Variants in PARP11 observed in about 807,000 individuals in gnomAD.
The protein encoded by PARP11 is poly(ADP-ribose) polymerase family member 11.
PARP11 carries 31 observed loss-of-function variants against 42.9 expected under a neutral mutation model. The ratio of observed to expected loss-of-function variants is 0.72; its 90% CI spans 0.54 to 0.98. The LOEUF (loss-of-function observed/expected upper bound fraction) is 0.98. Among genes scored for constraint, PARP11 ranks in the 50% least tolerant of loss-of-function variants. The probability of loss-of-function intolerance (pLI) is 0.00; values close to 1 mark genes in which losing one functional copy is unlikely to be tolerated. For missense variants in PARP11, 365 were observed against 413.1 expected, an observed-to-expected ratio of 0.88 and a Z score of 1.01; for synonymous variants, 137 against 127.3, an observed-to-expected ratio of 1.08 and a Z score of -0.51.
rs558620478 is a variant in PARP11 at position 3,862,020 on chromosome 12, G to A, written c.18+11192C>T. Among the ~76,000 whole-genome samples, 12 of 152,148 alleles carry A rather than the reference G, an allele frequency of 7.9e-5. No homozygotes were observed. In the South Asian group the frequency reaches 1.0e-3, roughly 13 times the overall value. ...AACCTGGTTGATGGAGCGAGACTCCGTACCTAACCAATGCTGGCAGAAACC... is the reference window on the plus strand; with the variant it reads ...AACCTGGTTGATGGAGCGAGACTCCATACCTAACCAATGCTGGCAGAAACC... On this transcript the variant is annotated intron_variant, in intron 1 of 7. Coordinates refer to ENST00000228820, the MANE Select transcript of PARP11 (RefSeq NM_020367.6).
chr12:3,868,407 C>T (rs1046283103), intron 1 of PARP11, among the ~76,000 whole-genome samples: 2 of 152,136 alleles, frequency 1.3e-5, no homozygotes, highest in African/African-American at 4.8e-5. Context: ...TTGCAGTTAG[C>T]CGAGATCATG....
At chr12:3,872,439 T>A in intron 1 of PARP11, 2 of 869,288 alleles carry the variant, frequency 2.3e-6, no homozygotes, top group Non-Finnish European at 2.8e-6. Context: ...TTTCGGCCCC[T>A]ACGTTGCACT....
At chr12:3,853,072 T>C (rs954528464) in intron 1 of PARP11, among the ~76,000 whole-genome samples, 1 of 152,142 alleles carries the variant, frequency 6.6e-6, no homozygotes, top group African/African-American at 2.4e-5. Flanking sequence ...CCTTTACAGA[T>C]AAGCAAATGC....
chr12:3,829,100 T>C, intron 2 of PARP11, 70 bp from the exon 3 acceptor site: 1 of 1,573,154 alleles, frequency 6.4e-7, no homozygotes, highest in Non-Finnish European at 8.7e-7. Flanking sequence ...GAGGTGGTAC[T>C]GTGGTCATAG....
Position 3,840,064 on chromosome 12 carries a change from G to A in PARP11, c.19-10046C>T. On this transcript the variant is annotated intron_variant, in intron 1 of 7. Coordinates refer to ENST00000228820, the MANE Select transcript of PARP11 (RefSeq NM_020367.6). This position sits in a 1 kb window ranked among gnomAD's most constrained non-coding sequence, Gnocchi z 4.4. ...GGTTCTTAAGTCACTCAATCCTGCA[G>A]TCTATAGAAATGTGGAATATGAAAT... is the stretch of plus-strand genomic sequence containing the variant. 6.2e-7 allele frequency: 1 copy of A among 1,609,514 alleles called. No homozygotes were observed. Among genetic ancestry groups the A allele is most frequent in the Non-Finnish European group, 8.5e-7 (1 of 1,175,714 alleles).
chr12:3,822,836 C>T (rs1324343683), intron 4 of PARP11, among the ~76,000 whole-genome samples: 2 of 152,064 alleles, frequency 1.3e-5, no homozygotes, highest in Non-Finnish European at 2.9e-5. Context: ...GGCTGAAACT[C>T]GTATTTATAT....
chr12:3,812,218 A>G lies in PARP11; in HGVS notation c.922T>C (p.Tyr308His), dbSNP rs538035117. Residue 308 changes from tyrosine (Y) to histidine (H), a missense_variant, in exon 8 of 8, where the codon TAT (tyrosine) becomes CAT (histidine). By Grantham distance (83) the Tyr-to-His change is moderately conservative. Coordinates refer to ENST00000228820, the MANE Select transcript of PARP11 (RefSeq NM_020367.6). ...CAGGTATCATCCACACAGCTGTCAT[A>G]TAAATTCACATAGCTCCCGTCTTTG... The part of the protein sequence containing the change: ...PSKDGSYVNL[Y>H]DSCVDDTWNP... 10 of 1,614,182 alleles carry G rather than the reference A, an allele frequency of 6.2e-6. No homozygotes were observed. The South Asian group carries it at 9.9e-5, about 16-fold the overall frequency.
At chr12:3,839,669 C>A in intron 1 of PARP11, 2 of 965,096 alleles carry the variant, frequency 2.1e-6, no homozygotes, top group South Asian at 1.3e-5. Flanking sequence ...AATCTGGAAC[C>A]TAATGTTTCT....
chr12:3,831,352 T>C (rs1469645214), intron 1 of PARP11, among the ~76,000 whole-genome samples: 2 of 152,164 alleles, frequency 1.3e-5, no homozygotes, highest in African/African-American at 4.8e-5. Context: ...TATCATTGAT[T>C]TTTTTAACAA....
rs1591538522 is a variant in PARP11, at chr12:3,861,214, G to A, written c.18+11998C>T. 6.6e-6 allele frequency among the ~76,000 whole-genome samples: 1 copy of A among 152,120 alleles called. No homozygotes were observed. Among genetic ancestry groups the A allele is most frequent in the African/African-American group, 2.4e-5 (1 of 41,406 alleles). On this transcript the variant is annotated intron_variant, in intron 1 of 7. Coordinates refer to ENST00000228820, the MANE Select transcript of PARP11 (RefSeq NM_020367.6). This position sits in a 1 kb window ranked among gnomAD's most constrained non-coding sequence, Gnocchi z 4.6. ...AATTTTTCGTGGAGGGAAGGGCCAG[G>A]GCCAGAATGTTATAGACTAAACGTT... is the stretch of plus-strand genomic sequence containing the variant.
rs368766869 is a variant in PARP11 at position 3,812,381 on chromosome 12, C to T, written c.759G>A (p.Lys253=). The T allele has an allele frequency of 9.9e-6, 16 of 1,613,714 alleles. No individual in the cohort carries two copies. Among genetic ancestry groups the T allele is most frequent in the Non-Finnish European group, 1.3e-5 (15 of 1,179,778 alleles). Residue 253 remains lysine, a synonymous_variant, in exon 8 of 8, where the codon AAG becomes AAA. Transcript: ENST00000228820. ...CATGAATTTGGAATGTGTTCCCATG[C>T]TTTATGTCATCTTTGCAGAAACGAC... ...YSSRFCKDDI[K]HGNTFQIHGV... is the part of the protein sequence containing the mutation.
At chr12:3,843,210 C>T (rs16930852) in intron 1 of PARP11, among the ~76,000 whole-genome samples, 18,200 of 152,086 alleles carry the variant, frequency 0.12, 1,345 homozygotes, top group Admixed American at 0.23. Flanking sequence ...TGAGATTGCA[C>T]AGAAGTATAG....
intron 1 of PARP11, among the ~76,000 whole-genome samples, chr12:3,862,679 C>A (rs1425592466): frequency 6.6e-6 from 1 of 151,544 alleles, no homozygotes; most frequent in Non-Finnish European, 1.5e-5. Context: ...CCAATTGTTT[C>A]AGCATCATTA....
chr12:3,836,149 A>T (rs1212431923), intron 1 of PARP11, among the ~76,000 whole-genome samples: 1 of 152,046 alleles, frequency 6.6e-6, no homozygotes, highest in African/African-American at 2.4e-5. Context: ...ATCCAAATGC[A>T]GACACATCAA....
rs1948531958 is a variant in PARP11 at position 3,873,378 on chromosome 12, C to T, written c.-149G>A. The T allele has an allele frequency of 2.7e-6, 2 of 729,414 alleles. No individual in the cohort carries two copies. Among genetic ancestry groups the T allele is most frequent in the Non-Finnish European group, 4.7e-6 (2 of 421,608 alleles). The allele number at this position is 729,414 out of a possible 1,614,324, so 45.2% of individuals were successfully genotyped here. A position where few individuals can be genotyped will look rare whatever the true frequency, so the allele number is the denominator to read the frequency against. ...AGGCCTTCCTCCTCCCCCTCCCTGT[C>T]ACAAGCCAGCGTTTACAGACCACCC... is the stretch of plus-strand genomic sequence containing the variant. On this transcript the variant is annotated 5_prime_UTR_variant, in exon 1 of 8. Transcript: ENST00000228820.
At chr12:3,843,678 G>C (rs911559541) in intron 1 of PARP11, among the ~76,000 whole-genome samples, 38 of 152,148 alleles carry the variant, frequency 2.5e-4, no homozygotes, top group South Asian at 1.0e-3. Flanking sequence ...TCCAGTCTTT[G>C]CAGTATTCAC....
rs1354412356 is a variant in PARP11, at chr12:3,810,048, G to A, written c.*2075C>T. 2.6e-5 allele frequency: 4 copies of A among 152,160 alleles called. No homozygotes were observed. Among genetic ancestry groups the A allele is most frequent in the Non-Finnish European group, 5.9e-5 (4 of 68,028 alleles). The allele number at this position is 152,160 out of a possible 1,614,324, so 9.4% of individuals were successfully genotyped here. A position where few individuals can be genotyped will look rare whatever the true frequency, so the allele number is the denominator to read the frequency against. Reference sequence around the variant, plus strand: ...AAATCTGGGATAGATGGCACTTTAAGAATTACTATCCCTAATCTGTCTGCA... The same window carrying A: ...AAATCTGGGATAGATGGCACTTTAAAAATTACTATCCCTAATCTGTCTGCA... On this transcript the variant is annotated 3_prime_UTR_variant, in exon 8 of 8. Transcript: ENST00000228820.
rs1341078870 is a variant in PARP11 at position 3,828,930 on chromosome 12, C to G, written c.248G>C (p.Ser83Thr). 1 of 1,613,870 alleles carries G rather than the reference C, an allele frequency of 6.2e-7. No individual in the cohort carries two copies. The highest frequency in any genetic ancestry group is 1.7e-5 in the Admixed American group (1 of 60,016). Residue 83 changes from serine to threonine, a missense_variant, in exon 3 of 8, where the codon AGC becomes ACC. Physicochemically the swap from Ser to Thr is moderately conservative, Grantham distance 58. Transcript: ENST00000228820. ...CATACCTGCAAAGTCTATCTTGTAG[C>G]TGAATTTGGAAGTAGTAAAAGAAAT... ...GSISFTTSKF[S>T]YKIDFAEMKQ...
At chr12:3,833,965 G>A (rs1591774133) in intron 1 of PARP11, among the ~76,000 whole-genome samples, 1 of 152,108 alleles carries the variant, frequency 6.6e-6, no homozygotes, top group East Asian at 1.9e-4. Context: ...TTCTGGAGAG[G>A]TGACACAGAG....
Sources: gnomAD v4.1 joint callset for allele counts (sites outside exome capture counted in the v4.1 genomes callset) on GRCh38, gnomAD v4.1.1 for gene constraint, Gnocchi (gnomAD v3.1) non-coding constraint, MANE v1.5 for transcripts, NCBI Gene and HGNC (gene_info 2026-07-23, HGNC 2026-07-21) for gene names.